Variants in CLIC4 observed in about 807,000 individuals in gnomAD.
CLIC4 encodes the protein chloride intracellular channel protein 4.
In CLIC4, 13 loss-of-function variants were observed where a neutral mutation model predicts 24.6. The observed-to-expected ratio is 0.53, with a 90% confidence interval of 0.34 to 0.84. The LOEUF (loss-of-function observed/expected upper bound fraction) is 0.84, where lower values mean the gene tolerates loss of function less well. CLIC4 is among the 40% of genes least tolerant of loss of function. The pLI is 0.01. For synonymous variants in CLIC4, 104 were observed against 111.3 expected (o/e 0.93, Z 0.41); for missense variants, 227 against 301.7 (o/e 0.75, Z 1.83).
chr1:24,808,860 T>C (rs1459865378), intron 2 of CLIC4, among the ~76,000 whole-genome samples: 1 of 152,030 alleles, frequency 6.6e-6, no homozygotes, highest in African/African-American at 2.4e-5. Flanking sequence ...TTATTTTTAG[T>C]AGAGACAGGG....
chr1:24,747,675 A>C (rs1638719803), intron 1 of CLIC4, among the ~76,000 whole-genome samples: 1 of 152,204 alleles, frequency 6.6e-6, no homozygotes, highest in African/African-American at 2.4e-5. Context: ...ACTCAAAAAA[A>C]GTGCATCCAT....
intron 1 of CLIC4, among the ~76,000 whole-genome samples, chr1:24,750,116 C>T (rs1638755562): frequency 6.6e-6 from 1 of 152,100 alleles, no homozygotes; most frequent in Non-Finnish European, 1.5e-5. Flanking sequence ...CCTGGTGGCC[C>T]ACGCCTGCAG....
intron 2 of CLIC4, among the ~76,000 whole-genome samples, chr1:24,807,380 A>G (rs1014384806): frequency 1.3e-5 from 2 of 152,106 alleles, no homozygotes; most frequent in East Asian, 3.8e-4. Context: ...TCAGCAAGGC[A>G]AGTTACTTCT....
chr1:24,778,770 G>A (rs1639171664), intron 1 of CLIC4, among the ~76,000 whole-genome samples: 1 of 152,130 alleles, frequency 6.6e-6, no homozygotes, highest in South Asian at 2.1e-4. Context: ...TTCATCATGG[G>A]TCTATTGTGC....
intron 1 of CLIC4, among the ~76,000 whole-genome samples, chr1:24,782,004 T>A (rs1209834242): frequency 3.9e-5 from 6 of 152,214 alleles, no homozygotes; most frequent in Non-Finnish European, 7.3e-5. Flanking sequence ...TTATTTTTAA[T>A]GAAACTATTA....
At chr1:24,816,245 T>TG (rs1250141606) in intron 3 of CLIC4, among the ~76,000 whole-genome samples, 2 of 146,592 alleles carry the variant, frequency 1.4e-5, no homozygotes, top group South Asian at 2.3e-4. Context: ...TTTTTTTTTT[T>TG]TTTTTTTTTT....
intron 1 of CLIC4, among the ~76,000 whole-genome samples, chr1:24,787,809 T>C (rs1326608011): frequency 6.6e-6 from 1 of 150,798 alleles, no homozygotes; most frequent in African/African-American, 2.4e-5. Flanking sequence ...CCTCCCAAAG[T>C]GCGGGGATTA....
intron 1 of CLIC4, among the ~76,000 whole-genome samples, chr1:24,795,549 T>C (rs72654692): frequency 1.4e-5 from 2 of 146,314 alleles, no homozygotes; most frequent in African/African-American, 2.5e-5. Flanking sequence ...AAAAAAAAAA[T>C]AAAAAAAAAA....
intron 2 of CLIC4, among the ~76,000 whole-genome samples, chr1:24,801,378 G>T (rs949283642): frequency 2.3e-4 from 35 of 152,188 alleles, no homozygotes; most frequent in African/African-American, 7.2e-4. Context: ...AGGAAGAAGA[G>T]AGAAGGGGGA....
chr1:24,801,238 TAAAG>T (rs939384360), intron 2 of CLIC4, among the ~76,000 whole-genome samples: 1 of 152,160 alleles, frequency 6.6e-6, no homozygotes, highest in Non-Finnish European at 1.5e-5. Context: ...GGGTAATTCA[TAAAG>T]AAAAGAGGTT....
At chr1:24,820,067 G>GTATATATATATATATATATATA (rs751126014) in intron 3 of CLIC4, among the ~76,000 whole-genome samples, 2 of 36,472 alleles carry the variant, frequency 5.5e-5, no homozygotes, top group Admixed American at 4.7e-4. Context: ...AAAAAAGTAT[G>GTATATATATATATATATATATA]TATATATATA....
intron 1 of CLIC4, among the ~76,000 whole-genome samples, chr1:24,795,715 A>G (rs1639390923): frequency 6.6e-6 from 1 of 152,094 alleles, no homozygotes. Flanking sequence ...GGATATAGGC[A>G]TGCGCCACAA....
At chr1:24,774,788 G>A (rs1369735013) in intron 1 of CLIC4, among the ~76,000 whole-genome samples, 1 of 151,762 alleles carries the variant, frequency 6.6e-6, no homozygotes, top group Admixed American at 6.6e-5. Flanking sequence ...GAAAAAAAAA[G>A]GACCGAGGGC....
intron 2 of CLIC4, 80 bp from the exon 3 acceptor site, chr1:24,814,014 G>A (rs1332052907): frequency 7.6e-6 from 12 of 1,569,980 alleles, no homozygotes; most frequent in Admixed American, 5.1e-5. Context: ...ACCGTGCCTG[G>A]CCAACTTTGA....
intron 4 of CLIC4, among the ~76,000 whole-genome samples, chr1:24,831,631 TA>T (rs1221651171): frequency 1.3e-5 from 2 of 152,176 alleles, no homozygotes; most frequent in African/African-American, 4.8e-5. Context: ...TCACTACTTT[TA>T]TTTTTTTGGT....
At chr1:24,780,598 C>T (rs1162647498) in intron 1 of CLIC4, among the ~76,000 whole-genome samples, 2 of 152,208 alleles carry the variant, frequency 1.3e-5, no homozygotes, top group African/African-American at 4.8e-5. Flanking sequence ...CTTGTCCTCT[C>T]TCTGAGTACT....
chr1:24,792,080 A>G (rs1639346563), intron 1 of CLIC4, among the ~76,000 whole-genome samples: 1 of 148,864 alleles, frequency 6.7e-6, no homozygotes, highest in Admixed American at 6.7e-5. Flanking sequence ...AGAAATTTGA[A>G]TTTTTCCACA....
chr1:24,752,618 A>G (rs750936776), intron 1 of CLIC4, among the ~76,000 whole-genome samples: 2 of 152,352 alleles, frequency 1.3e-5, no homozygotes, highest in South Asian at 4.1e-4. Flanking sequence ...TTCATCTGCA[A>G]GAGAGGCTGG....
At chr1:24,829,466 C>G (rs1019418918) in intron 4 of CLIC4, among the ~76,000 whole-genome samples, 2 of 152,144 alleles carry the variant, frequency 1.3e-5, no homozygotes, top group Non-Finnish European at 2.9e-5. Flanking sequence ...ACCATTTAGG[C>G]AGTCAAAGAG....
Sources: allele counts gnomAD v4.1 joint callset (sites outside exome capture counted in the v4.1 genomes callset), GRCh38; gene constraint gnomAD v4.1.1; transcripts MANE v1.5; gene names NCBI Gene and HGNC (gene_info 2026-07-23, HGNC 2026-07-21).